The following GPC3 variants were observed in gnomAD, a reference collection of about 807,000 sequenced individuals.
GPC3 encodes glypican-3.
Under a neutral mutation model 34.4 loss-of-function variants are expected in GPC3, and 3 were observed. That is an observed-to-expected ratio of 0.09 (90% CI 0.04 to 0.23). GPC3 has a LOEUF of 0.23. Ranked by LOEUF, GPC3 falls within the 10% of genes least tolerant of loss-of-function variation. The pLI, the probability that GPC3 is intolerant of heterozygous loss-of-function variation, is 1.00. For synonymous variants in GPC3, 177 were observed against 174.0 expected, an observed-to-expected ratio of 1.02 and a Z score of -0.13; for missense variants, 351 against 445.6, an observed-to-expected ratio of 0.79 and a Z score of 1.91.
chrX:133,849,095 T>C (rs2075860197), intron 2 of GPC3, among the ~76,000 whole-genome samples: 2 of 78,491 alleles, frequency 2.5e-5, no homozygotes, highest in Middle Eastern at 5.5e-3. Flanking sequence ...TTTTTTTTTT[T>C]TTTTTTTTTT....
intron 6 of GPC3, among the ~76,000 whole-genome samples, chrX:133,616,823 G>A (rs1476025176): frequency 4.7e-5 from 5 of 107,031 alleles, no homozygotes; most frequent in African/African-American, 1.0e-4. Flanking sequence ...TCAGCCTCCC[G>A]AGTAGCTGGG....
intron 5 of GPC3, among the ~76,000 whole-genome samples, chrX:133,685,996 T>C (rs772606331): frequency 9.0e-6 from 1 of 111,432 alleles, no homozygotes; most frequent in Admixed American, 9.6e-5. Flanking sequence ...CCCAGCAACA[T>C]GATAAAGGGG....
intron 7 of GPC3, among the ~76,000 whole-genome samples, chrX:133,588,279 A>T (rs2069811277): frequency 9.0e-6 from 1 of 111,557 alleles, no homozygotes; most frequent in African/African-American, 3.3e-5. Context: ...GCCATAATTT[A>T]TTCCTGGACT....
At chrX:133,576,775 C>T (rs2069686893) in intron 7 of GPC3, among the ~76,000 whole-genome samples, 1 of 109,869 alleles carries the variant, frequency 9.1e-6, no homozygotes, top group African/African-American at 3.3e-5. Flanking sequence ...AACGAGATGT[C>T]ATGGATAGCT....
chrX:133,933,760 C>T (rs1170026291), intron 2 of GPC3, among the ~76,000 whole-genome samples: 2 of 110,624 alleles, frequency 1.8e-5, no homozygotes, highest in Non-Finnish European at 3.8e-5. Context: ...CACCTTCCAC[C>T]ATGAGTAAAA....
At chrX:133,897,153 A>G (rs548808822) in intron 2 of GPC3, among the ~76,000 whole-genome samples, 21 of 95,698 alleles carry the variant, frequency 2.2e-4, no homozygotes, top group South Asian at 2.1e-3. Context: ...TGATCCGCCC[A>G]CCTTGGCCTC....
intron 2 of GPC3, among the ~76,000 whole-genome samples, chrX:133,782,116 T>A: frequency 9.0e-6 from 1 of 111,218 alleles, no homozygotes; most frequent in Non-Finnish European, 1.9e-5. Flanking sequence ...CCAGAGGGAA[T>A]CTACTTATTG....
rs144681120 is a variant in GPC3, at chrX:133,929,891, C to T, written c.337+23159G>A. ...CAAATCCATTCAGATACCATGCACACACAAAAGTTGTTTAGGAAAACAAAA... is the reference window on the plus strand; with the variant it reads ...CAAATCCATTCAGATACCATGCACATACAAAAGTTGTTTAGGAAAACAAAA... On this transcript the variant is annotated intron_variant, in intron 2 of 7. Transcript: ENST00000370818. Among the ~76,000 whole-genome samples, 205 of 112,064 alleles carry T rather than the reference C, an allele frequency of 1.8e-3. 2 individuals are homozygous for T. Among genetic ancestry groups the T allele is most frequent in the African/African-American group, 6.0e-3 (185 of 30,833 alleles).
intron 3 of GPC3, among the ~76,000 whole-genome samples, chrX:133,712,025 T>C (rs1440433248): frequency 8.9e-6 from 1 of 112,547 alleles, no homozygotes. Context: ...AAATTTTAAA[T>C]TTTTTCTGTA....
intron 2 of GPC3, among the ~76,000 whole-genome samples, chrX:133,931,112 G>A (rs977252585): frequency 3.6e-5 from 4 of 111,508 alleles, no homozygotes; most frequent in African/African-American, 1.3e-4. Context: ...GGTACTAACA[G>A]TATCTACTTT....
intron 5 of GPC3, among the ~76,000 whole-genome samples, chrX:133,672,818 T>TG (rs1306991742): frequency 3.9e-5 from 4 of 103,694 alleles, no homozygotes; most frequent in African/African-American, 1.4e-4. Flanking sequence ...GCCTGGCTAA[T>TG]TTTTTGTATT....
intron 6 of GPC3, among the ~76,000 whole-genome samples, chrX:133,638,488 C>G (rs753405320): frequency 9.0e-6 from 1 of 111,393 alleles, no homozygotes; most frequent in African/African-American, 3.3e-5. Flanking sequence ...CCAGGTTGGC[C>G]TCAAAAATGA....
At chrX:133,552,831 G>A (rs1186592288) in intron 7 of GPC3, among the ~76,000 whole-genome samples, 1 of 111,856 alleles carries the variant, frequency 8.9e-6, no homozygotes, top group African/African-American at 3.3e-5. Flanking sequence ...GAACCAACAG[G>A]AAGGCAACTG....
chrX:133,877,753 T>C (rs1319756473), intron 2 of GPC3, among the ~76,000 whole-genome samples: 1 of 112,237 alleles, frequency 8.9e-6, no homozygotes, highest in Non-Finnish European at 1.9e-5. Context: ...AAATAGGTTT[T>C]ATAAAAAATT....
chrX:133,875,400 G>T (rs1324820811), intron 2 of GPC3, among the ~76,000 whole-genome samples: 1 of 111,615 alleles, frequency 9.0e-6, no homozygotes, highest in Admixed American at 9.5e-5. Context: ...TAGGCAGACA[G>T]CCCTAGAACA....
At chrX:133,684,662 TA>T (rs200357822) in intron 5 of GPC3, among the ~76,000 whole-genome samples, 1,601 of 111,312 alleles carry the variant, frequency 0.014, 25 homozygotes, top group African/African-American at 0.049. Flanking sequence ...ATTCTATATT[TA>T]AAATTGTATG....
At chrX:133,636,817 T>G (rs2070430731) in intron 6 of GPC3, among the ~76,000 whole-genome samples, 2 of 111,511 alleles carry the variant, frequency 1.8e-5, no homozygotes, top group Non-Finnish European at 3.8e-5. Context: ...GAGGGTGATT[T>G]GCATGGCTTC....
chrX:133,952,438 G>A (rs914286880), intron 2 of GPC3, among the ~76,000 whole-genome samples: 1 of 112,144 alleles, frequency 8.9e-6, no homozygotes, highest in African/African-American at 3.2e-5. Flanking sequence ...TGTTAGAATT[G>A]AAGGAGGTAC....
chrX:133,796,981 T>G (rs1419973232), intron 2 of GPC3, among the ~76,000 whole-genome samples: 2 of 111,283 alleles, frequency 1.8e-5, no homozygotes, highest in Admixed American at 1.9e-4. Context: ...TGCTCTGACA[T>G]TTTACCCAGT....
Sources: gnomAD v4.1 joint callset for allele counts (sites outside exome capture counted in the v4.1 genomes callset) on GRCh38, gnomAD v4.1.1 for gene constraint, MANE v1.5 for transcripts, NCBI Gene and HGNC (gene_info 2026-07-23, HGNC 2026-07-21) for gene names.